CCDC57: variants seen among roughly 807,000 people sequenced by gnomAD.
The protein encoded by CCDC57 is coiled-coil domain-containing protein 57.
CCDC57 carries 118 observed loss-of-function variants against 118.9 expected under a neutral mutation model. That is an observed-to-expected ratio of 0.99 (90% CI 0.86 to 1.16). CCDC57 has a LOEUF of 1.16. CCDC57 is among the 50% of genes most tolerant of loss of function. CCDC57 has a pLI of 0.00. For synonymous variants in CCDC57, 527 were observed against 532.9 expected, an observed-to-expected ratio of 0.99 and a Z score of 0.15; for missense variants, 1,300 against 1,320.7, an observed-to-expected ratio of 0.98 and a Z score of 0.24.
intron 11 of CCDC57, among the ~76,000 whole-genome samples, chr17:82,175,905 A>C (rs2045407818): frequency 6.6e-6 from 1 of 152,152 alleles, no homozygotes; most frequent in Admixed American, 6.5e-5. Context: ...AGCTAACTTT[A>C]TGGCTCAAAC....
chr17:82,125,940 T>C (rs11650635), intron 19 of CCDC57, among the ~76,000 whole-genome samples: 80,810 of 151,298 alleles, frequency 0.53, 22,348 homozygotes, highest in Non-Finnish European at 0.58. Context: ...ATGCGGGAAG[T>C]GTGAGCGATG....
At chr17:82,207,345 AAAAAAAC>A (rs2049789316) in intron 2 of CCDC57, among the ~76,000 whole-genome samples, 1 of 152,126 alleles carries the variant, frequency 6.6e-6, no homozygotes, top group African/African-American at 2.4e-5. Flanking sequence ...AAATAAAAAA[AAAAAAAC>A]AAAAAAGAAA....
intron 15 of CCDC57, among the ~76,000 whole-genome samples, chr17:82,153,168 C>T (rs2042271452): frequency 1.3e-5 from 2 of 152,004 alleles, no homozygotes; most frequent in Admixed American, 6.6e-5. Context: ...GTGGGAGAGG[C>T]CAAGGCAGAG....
chr17:82,150,762 C>G (rs1330309052), intron 16 of CCDC57, among the ~76,000 whole-genome samples: 1 of 98,432 alleles, frequency 1.0e-5, no homozygotes, highest in African/African-American at 4.0e-5. Context: ...CACCCAGAAC[C>G]AGGCGCACAC....
chr17:82,202,039 C>A (rs986763356), intron 2 of CCDC57, 87 bp from the exon 2 acceptor site: 12 of 1,329,556 alleles, frequency 9.0e-6, no homozygotes, highest in Non-Finnish European at 2.0e-6. Flanking sequence ...TCCCTATCAA[C>A]AGTTACCACG....
rs200559001 is a variant in CCDC57 at position 82,151,552 on chromosome 17, G to A, written c.2455+8C>T. On this transcript the variant is annotated splice_region_variant and intron_variant, in intron 16 of 19. Transcript: ENST00000665763. ...ACTCAGGCCATGGCCTCCACTTCCC[G>A]GACTCACTTTCGGGTCGGCCCAGCT... 5.4e-3 allele frequency: 8,369 copies of A among 1,549,858 alleles called. 39 individuals carry two copies. The highest frequency in any genetic ancestry group is 6.8e-3 in the Non-Finnish European group (7,814 of 1,146,828).
Position 82,188,340 on chromosome 17 carries a change from GCA to G in CCDC57, c.929_930del (p.Leu310ProfsTer30), listed in dbSNP as rs1326072940. 5 of 1,609,578 alleles carry G rather than the reference GCA, an allele frequency of 3.1e-6. No individual in the cohort carries two copies. The highest frequency in any genetic ancestry group is 3.4e-6 in the Non-Finnish European group (4 of 1,179,148). ...TCCAGAACCCTGGTCTGCAGCTCCT[GCA>G]GCTGCTCCACGTGGGCTCCCTTCAC... On this transcript the variant is annotated frameshift_variant, in exon 8 of 20. Coordinates refer to ENST00000665763, the Ensembl canonical transcript of CCDC57. LOFTEE classifies it high-confidence loss of function.
rs899696612 is a variant in CCDC57 at position 82,201,390 on chromosome 17, TCAGA to T, written c.407+144_407+147del. ...CAGAGGCCACGAGGCACTCGGCCAC[TCAGA>T]CAGACCAGCTCCCGTGGCCTGGAAT... On this transcript the variant is annotated intron_variant, in intron 3 of 19. Transcript: ENST00000665763. 8 of 1,026,178 alleles carry T rather than the reference TCAGA, an allele frequency of 7.8e-6. No individual in the cohort carries two copies. In the African/African-American group the frequency reaches 1.1e-4, roughly 14 times the overall value. 63.6% of individuals were successfully genotyped at this position (1,026,178 alleles called of 1,614,324 possible).
intron 16 of CCDC57, among the ~76,000 whole-genome samples, chr17:82,148,206 G>A (rs2041150972): frequency 1.1e-5 from 1 of 87,388 alleles, no homozygotes; most frequent in South Asian, 3.7e-4. Context: ...TGCGTGGATG[G>A]TAGATGGATG....
chr17:82,101,940 G>A lies in CCDC57; in HGVS notation c.2900-74C>T. ...GCAGGAGGCTGTGCTCACAGGCACT[G>A]CACAGGTGCAGCACTTCCGTGTTCC... On this transcript the variant is annotated intron_variant, in intron 19 of 19. Coordinates refer to ENST00000665763, the Ensembl canonical transcript of CCDC57. 3.6e-6 allele frequency: 5 copies of A among 1,374,312 alleles called. No individual in the cohort carries two copies. In the South Asian group the frequency reaches 6.1e-5, roughly 17 times the overall value. 85.1% of individuals were successfully genotyped at this position (1,374,312 alleles called of 1,614,324 possible).
intron 16 of CCDC57, among the ~76,000 whole-genome samples, chr17:82,145,268 A>AT (rs2040566278): frequency 2.9e-5 from 4 of 139,724 alleles, no homozygotes; most frequent in South Asian, 5.2e-4. Context: ...ACCTCAGGTG[A>AT]TCAGGCGGTG....
At chr17:82,127,350 C>T (rs559026375) in intron 19 of CCDC57, 6 of 180,740 alleles carry the variant, frequency 3.3e-5, no homozygotes, top group East Asian at 2.9e-4. Context: ...CTCACCTGGG[C>T]TCCATTCTAA....
At chr17:82,199,228 A>G (rs903954137) in intron 3 of CCDC57, among the ~76,000 whole-genome samples, 1 of 152,052 alleles carries the variant, frequency 6.6e-6, no homozygotes, top group African/African-American at 2.4e-5. Context: ...CTGTAATTCC[A>G]GCGCTTTGGG....
chr17:82,150,427 GCACCTAGAACCAGGCACA>G (rs2041796026), intron 16 of CCDC57, among the ~76,000 whole-genome samples: 2 of 45,976 alleles, frequency 4.4e-5, no homozygotes, highest in African/African-American at 9.3e-5. Context: ...AACCTGACCC[GCACCTAGAACCAGGCACA>G]CACCCAGAAC....
intron 19 of CCDC57, among the ~76,000 whole-genome samples, chr17:82,103,102 T>C (rs1410648399): frequency 6.6e-6 from 1 of 152,156 alleles, no homozygotes; most frequent in African/African-American, 2.4e-5. Flanking sequence ...CCTGGGTGAC[T>C]GGGAAGCGTC....
At chr17:82,189,682 T>C (rs1166739536) in intron 7 of CCDC57, among the ~76,000 whole-genome samples, 2 of 151,798 alleles carry the variant, frequency 1.3e-5, no homozygotes, top group Admixed American at 1.3e-4. Flanking sequence ...AAACCCAGTC[T>C]CCACTAAAAA....
Position 82,172,682 on chromosome 17 carries a change from G to T in CCDC57, c.1685C>A (p.Ala562Glu). Residue 562 changes from alanine (A) to glutamate (E), a missense_variant, in exon 12 of 20, where the codon GCA becomes GAA. By Grantham distance (107) the Ala-to-Glu change is moderately radical. Coordinates refer to ENST00000665763, the Ensembl canonical transcript of CCDC57. This position sits in a 1 kb window ranked among gnomAD's most constrained non-coding sequence, Gnocchi z 5.2. ...CCCAGCCTCTGGGTCAGGCTGGTTT[G>T]CATCTGTGCTCTCTGCCGCTGTCTG... 6.4e-7 allele frequency: 1 copy of T among 1,557,304 alleles called. No homozygotes were observed. The highest frequency in any genetic ancestry group is 8.7e-7 in the Non-Finnish European group (1 of 1,150,674).
rs1599057090 is a variant in CCDC57 at position 82,163,539 on chromosome 17, C to T, written c.1883-182G>A. 4 of 661,962 alleles carry T rather than the reference C, an allele frequency of 6.0e-6. No homozygotes were observed. In the East Asian group the frequency reaches 1.1e-4, roughly 18 times the overall value. The allele number at this position is 661,962 out of a possible 1,614,324, so 41.0% of individuals were successfully genotyped here. A position where few individuals can be genotyped will look rare whatever the true frequency, so the allele number is the denominator to read the frequency against. ...CTGGTCCACGTGAAGATTAGAGATG[C>T]TGTACAGAAAGCATAATCCTCATGT... On this transcript the variant is annotated intron_variant, in intron 13 of 19. Transcript: ENST00000665763.
chr17:82,169,369 T>C (rs970111167), intron 13 of CCDC57, among the ~76,000 whole-genome samples: 1 of 152,172 alleles, frequency 6.6e-6, no homozygotes, highest in Non-Finnish European at 1.5e-5. Context: ...CCTCAGGTGA[T>C]CCACCCACCT....
Sources: allele counts gnomAD v4.1 joint callset (sites outside exome capture counted in the v4.1 genomes callset), GRCh38; gene constraint gnomAD v4.1.1; non-coding constraint Gnocchi (gnomAD v3.1); transcripts MANE v1.5; gene names NCBI Gene and HGNC (gene_info 2026-07-23, HGNC 2026-07-21).